Variants in C4orf51 observed in about 807,000 individuals in gnomAD.
C4orf51 encodes uncharacterized protein C4orf51.
Under a neutral mutation model 25.2 loss-of-function variants are expected in C4orf51, and 25 were observed. That is an observed-to-expected ratio of 0.99 (90% CI 0.72 to 1.39). The LOEUF is 1.39. Ranked by LOEUF, C4orf51 falls within the 40% of genes most tolerant of loss-of-function variation. The pLI, the probability that C4orf51 is intolerant of heterozygous loss-of-function variation, is 0.00. For missense variants in C4orf51, 252 were observed against 239.6 expected, an observed-to-expected ratio of 1.05 and a Z score of -0.34; for synonymous variants, 100 against 84.5, an observed-to-expected ratio of 1.18 and a Z score of -1.01.
At chr4:145,768,337 G>A (rs558394889) in intron 1 of C4orf51, among the ~76,000 whole-genome samples, 8 of 151,998 alleles carry the variant, frequency 5.3e-5, no homozygotes, top group African/African-American at 1.9e-4. Context: ...GCTAATTTTT[G>A]TATTTTCAGA....
Position 145,761,565 on chromosome 4 carries a change from G to A in C4orf51, n.167-9423G>A. 7 of 1,276,010 alleles carry A rather than the reference G, an allele frequency of 5.5e-6. No individual in the cohort carries two copies. Among genetic ancestry groups the A allele is most frequent in the Non-Finnish European group, 6.1e-6 (6 of 978,984 alleles). The allele number at this position is 1,276,010 out of a possible 1,614,324, so 79.0% of individuals were successfully genotyped here. On this transcript the variant is annotated intron_variant and non_coding_transcript_variant, in intron 1 of 1. Coordinates refer to the C4orf51 transcript ENST00000510096. This position sits in a 1 kb window ranked among gnomAD's most constrained non-coding sequence, Gnocchi z 6.8. Reference sequence around the variant, plus strand: ...TCTTGAGGTGGCACTCCATGGCAGCGGGGCGGTTGGTGGAATAAATGCAGA... The same window carrying A: ...TCTTGAGGTGGCACTCCATGGCAGCAGGGCGGTTGGTGGAATAAATGCAGA...
intron 1 of C4orf51, among the ~76,000 whole-genome samples, chr4:145,689,923 G>A (rs112922174): frequency 0.037 from 5,560 of 152,196 alleles, 291 homozygotes; most frequent in African/African-American, 0.12. Flanking sequence ...TCCTAGAAGA[G>A]GCTGGGCGCG....
chr4:145,745,380 C>T (rs1303391179), intron 1 of C4orf51, among the ~76,000 whole-genome samples: 1 of 148,198 alleles, frequency 6.7e-6, no homozygotes, highest in Non-Finnish European at 1.5e-5. Flanking sequence ...CCCCCTAGAA[C>T]CCTTCCCAGA....
the C4orf51 span, among the ~76,000 whole-genome samples, chr4:145,786,076 C>A: frequency 6.6e-6 from 1 of 152,124 alleles, no homozygotes; most frequent in Non-Finnish European, 1.5e-5. Flanking sequence ...AAGAAAGTTC[C>A]CTTGAACCTT....
chr4:145,732,612 A>G lies in C4orf51; in HGVS notation c.*52A>G, dbSNP rs1443301409. On this transcript the variant is annotated 3_prime_UTR_variant, in exon 6 of 6. Coordinates refer to ENST00000438731, the MANE Select transcript of C4orf51 (RefSeq NM_001080531.3). The stretch of plus-strand genomic sequence containing the variant: ...AGGCGTGGAGTTTGCTTAATAAACA[A>G]CTTTGAGGTATGGGGCCCTCCCAAC... The G allele has an allele frequency of 1.5e-6, 2 of 1,308,802 alleles. No homozygotes were observed. The highest frequency in any genetic ancestry group is 4.9e-5 in the East Asian group (2 of 40,990). The allele number at this position is 1,308,802 out of a possible 1,614,324, so 81.1% of individuals were successfully genotyped here.
At chr4:145,744,675 CAA>C (rs938780709) in intron 1 of C4orf51, among the ~76,000 whole-genome samples, 2 of 151,112 alleles carry the variant, frequency 1.3e-5, no homozygotes, top group African/African-American at 4.9e-5. Flanking sequence ...AGCAATTCTA[CAA>C]AAAAAAATTA....
At chr4:145,748,475 A>G (rs1733498466) in intron 1 of C4orf51, among the ~76,000 whole-genome samples, 1 of 151,668 alleles carries the variant, frequency 6.6e-6, no homozygotes, top group Admixed American at 6.6e-5. Flanking sequence ...AATATACATC[A>G]TTTGGTTATT....
chr4:145,743,122 A>G (rs897985155), intron 1 of C4orf51, among the ~76,000 whole-genome samples: 9 of 152,238 alleles, frequency 5.9e-5, no homozygotes, highest in African/African-American at 2.2e-4. Flanking sequence ...GGTAAGGGTC[A>G]GATTTAAGGG....
chr4:145,711,428 C>T (rs546831965), intron 2 of C4orf51, among the ~76,000 whole-genome samples: 2 of 152,270 alleles, frequency 1.3e-5, no homozygotes, highest in South Asian at 4.1e-4. Flanking sequence ...TCTTCATGTA[C>T]CTGGCTGTCC....
At chr4:145,703,625 T>C (rs1389932906) in intron 2 of C4orf51, among the ~76,000 whole-genome samples, 2 of 152,252 alleles carry the variant, frequency 1.3e-5, no homozygotes, top group African/African-American at 4.8e-5. Flanking sequence ...TCCATTTGTT[T>C]ATTTTTGCTT....
At chr4:145,686,794 C>G (rs1470916356) in intron 1 of C4orf51, among the ~76,000 whole-genome samples, 1 of 152,166 alleles carries the variant, frequency 6.6e-6, no homozygotes, top group Non-Finnish European at 1.5e-5. Flanking sequence ...TCTCAAGTCA[C>G]TCTCCTTAGA....
downstream of C4orf51, among the ~76,000 whole-genome samples, chr4:145,735,799 C>T (rs1732773375): frequency 6.6e-6 from 1 of 152,130 alleles, no homozygotes; most frequent in South Asian, 2.1e-4. Flanking sequence ...TTAACTTGTT[C>T]CTTAAAGTCT....
At chr4:145,743,344 T>C (rs1443626698) in intron 1 of C4orf51, among the ~76,000 whole-genome samples, 1 of 152,198 alleles carries the variant, frequency 6.6e-6, no homozygotes, top group Admixed American at 6.5e-5. Flanking sequence ...TGTGAAGGCT[T>C]TCTTGCTGCA....
At chr4:145,713,254 A>G (rs1731228107) in intron 2 of C4orf51, among the ~76,000 whole-genome samples, 1 of 152,258 alleles carries the variant, frequency 6.6e-6, no homozygotes, top group Non-Finnish European at 1.5e-5. Flanking sequence ...AATATGTTTC[A>G]TAAGGCTATG....
rs776088185 is a variant in C4orf51 at position 145,732,562 on chromosome 4, T to A, written c.*2T>A. 2 of 1,601,844 alleles carry A rather than the reference T, an allele frequency of 1.2e-6. No homozygotes were observed. Among genetic ancestry groups the A allele is most frequent in the South Asian group, 1.1e-5 (1 of 89,190 alleles). On this transcript the variant is annotated 3_prime_UTR_variant, in exon 6 of 6. Coordinates refer to ENST00000438731, the MANE Select transcript of C4orf51 (RefSeq NM_001080531.3). ...GGACCCTCATCGCCATTTAACTGAG[T>A]TGGAAAATGAAGCCACAAGGCTGGA...
rs763183498 is a variant in C4orf51 at position 145,680,318 on chromosome 4, C to G, written c.115C>G (p.Arg39Gly). Reference protein sequence around the residue: ...KAGASWQDETRWSDSSVTTYT... With the variant: ...KAGASWQDETGWSDSSVTTYT... ...TGGAGCATCTTGGCAGGATGAAACACGATGGTCAGATTCTTCCGTGACAAC... is the reference window on the plus strand; with the variant it reads ...TGGAGCATCTTGGCAGGATGAAACAGGATGGTCAGATTCTTCCGTGACAAC... The change falls in exon 1 of 6, where the codon CGA becomes GGA. Residue 39 changes from arginine to glycine, a missense_variant. By Grantham distance (125) the Arg-to-Gly change is moderately radical. Transcript: ENST00000438731. 2 of 1,613,940 alleles carry G rather than the reference C, an allele frequency of 1.2e-6. No individual in the cohort carries two copies. The highest frequency in any genetic ancestry group is 3.3e-4 in the Middle Eastern group (2 of 6,062).
chr4:145,723,327 G>C (rs1366855836), intron 2 of C4orf51, among the ~76,000 whole-genome samples: 1 of 152,148 alleles, frequency 6.6e-6, no homozygotes, highest in Non-Finnish European at 1.5e-5. Flanking sequence ...AGAATGGTTT[G>C]TCTTCACCTT....
chr4:145,731,336 G>A (rs1245640386), intron 5 of C4orf51, among the ~76,000 whole-genome samples: 1 of 152,184 alleles, frequency 6.6e-6, no homozygotes, highest in East Asian at 1.9e-4. Flanking sequence ...CTCCCAGAAA[G>A]GGAATTCTCT....
chr4:145,779,065 C>A, the C4orf51 span, among the ~76,000 whole-genome samples: 2 of 151,774 alleles, frequency 1.3e-5, no homozygotes, highest in African/African-American at 2.4e-5. Context: ...TGGAGTGTGT[C>A]CCCCTGTCCT....
Sources: gnomAD v4.1 joint callset for allele counts (sites outside exome capture counted in the v4.1 genomes callset) on GRCh38, gnomAD v4.1.1 for gene constraint, Gnocchi (gnomAD v3.1) non-coding constraint, MANE v1.5 for transcripts, NCBI Gene and HGNC (gene_info 2026-07-23, HGNC 2026-07-21) for gene names.